The following KLHL1 variants were observed in gnomAD, a reference collection of about 807,000 sequenced individuals.
The protein encoded by KLHL1 is kelch-like protein 1.
Under a neutral mutation model 77.7 loss-of-function variants are expected in KLHL1, and 47 were observed. That is an observed-to-expected ratio of 0.60 (90% confidence interval 0.48 to 0.77). The LOEUF (loss-of-function observed/expected upper bound fraction) is 0.77, where lower values mean the gene tolerates loss of function less well. Among genes scored for constraint, KLHL1 ranks in the 30% least tolerant of loss-of-function variants. The pLI, the probability that KLHL1 is intolerant of heterozygous loss-of-function variation, is 0.00. For missense variants in KLHL1, 925 were observed against 910.8 expected (o/e 1.02, Z -0.20); for synonymous variants, 360 against 325.2 (o/e 1.11, Z -1.15).
intron 2 of KLHL1, among the ~76,000 whole-genome samples, chr13:69,965,818 T>C (rs924787496): frequency 3.3e-5 from 5 of 152,136 alleles, no homozygotes; most frequent in African/African-American, 9.7e-5. Flanking sequence ...GGGCAGAAGA[T>C]GAAACCTGCC....
In KLHL1 at chr13:70,019,944, A is replaced by G. The variant is rs150864774; in HGVS notation, c.498-44142T>C. Among the ~76,000 whole-genome samples, 611 of 152,228 alleles carry G rather than the reference A, an allele frequency of 4.0e-3. 7 individuals carry two copies. The highest frequency in any genetic ancestry group is 0.01 in the Middle Eastern group (3 of 294). On this transcript the variant is annotated intron_variant, in intron 1 of 10. Coordinates refer to ENST00000377844, the MANE Select transcript of KLHL1 (RefSeq NM_020866.3). ...TCATAAAAAGGACTTTCAGGAGTGA[A>G]TTAACTCTCTTCTGCTATTCTGCCT...
Position 69,838,168 on chromosome 13 carries a change from T to A in KLHL1, c.1414+808A>T, listed in dbSNP as rs180743109. On this transcript the variant is annotated intron_variant, in intron 6 of 10. Transcript: ENST00000377844. The stretch of plus-strand genomic sequence containing the variant: ...GTTCACAGTGATTGAAATAAGTTTT[T>A]TTTTTGTTCTGATTTATCTTAATAA... 9.2e-4 allele frequency among the ~76,000 whole-genome samples: 140 copies of A among 151,858 alleles called. 1 individual carries two copies. The highest frequency in any genetic ancestry group is 3.1e-3 in the African/African-American group (129 of 41,534).
At chr13:69,956,588 T>C (rs1440677886) in intron 3 of KLHL1, among the ~76,000 whole-genome samples, 1 of 151,444 alleles carries the variant, frequency 6.6e-6, no homozygotes, top group Non-Finnish European at 1.5e-5. Flanking sequence ...TGATACCCTA[T>C]AAAAGTACAC....
At chr13:69,736,679 GATATATATATGTAT>G (rs1397604014) in intron 8 of KLHL1, among the ~76,000 whole-genome samples, 11 of 146,234 alleles carry the variant, frequency 7.5e-5, no homozygotes, top group Non-Finnish European at 1.5e-4. Context: ...GAGATTGTGA[GATATATATATGTAT>G]ATATATATAC....
At chr13:69,952,166 T>A (rs2137256122) in intron 3 of KLHL1, among the ~76,000 whole-genome samples, 1 of 151,510 alleles carries the variant, frequency 6.6e-6, no homozygotes, top group Admixed American at 6.6e-5. Flanking sequence ...AAATGTCCTA[T>A]TACATCGTTT....
chr13:69,859,789 A>C (rs1190815327), intron 5 of KLHL1, among the ~76,000 whole-genome samples: 1 of 152,140 alleles, frequency 6.6e-6, no homozygotes, highest in Non-Finnish European at 1.5e-5. Context: ...AAATATGACC[A>C]ATAAAACATT....
intron 4 of KLHL1, among the ~76,000 whole-genome samples, chr13:69,936,135 A>C (rs142636003): frequency 1.3e-5 from 2 of 152,232 alleles, no homozygotes; most frequent in African/African-American, 4.8e-5. Flanking sequence ...GAGATTATTC[A>C]GAATTTGATA....
At chr13:70,018,385 T>C (rs1259868719) in intron 1 of KLHL1, among the ~76,000 whole-genome samples, 2 of 152,218 alleles carry the variant, frequency 1.3e-5, no homozygotes, top group East Asian at 1.9e-4. Flanking sequence ...TGAATCTCCA[T>C]ACCACCCTTG....
intron 8 of KLHL1, among the ~76,000 whole-genome samples, chr13:69,736,103 G>A (rs555946260): frequency 2.5e-4 from 38 of 152,124 alleles, no homozygotes; most frequent in Admixed American, 2.0e-3. Context: ...AACAGACAAC[G>A]CACAGAGCGG....
At chr13:70,085,039 A>G (rs1673201824) in intron 1 of KLHL1, among the ~76,000 whole-genome samples, 1 of 152,184 alleles carries the variant, frequency 6.6e-6, no homozygotes, top group Non-Finnish European at 1.5e-5. Flanking sequence ...AATATGGTAA[A>G]TGAAGATGCT....
intron 1 of KLHL1, among the ~76,000 whole-genome samples, chr13:70,006,873 TATAA>T (rs1354565907): frequency 2.0e-5 from 3 of 152,216 alleles, no homozygotes; most frequent in African/African-American, 4.8e-5. Flanking sequence ...ATTAGAAAAC[TATAA>T]ATAATCATAC....
At chr13:69,988,042 G>T (rs879652289) in intron 1 of KLHL1, among the ~76,000 whole-genome samples, 30 of 151,826 alleles carry the variant, frequency 2.0e-4, no homozygotes, top group Admixed American at 5.3e-4. Context: ...TTGTGTACAG[G>T]TTATTTTGTC....
Position 69,959,142 on chromosome 13 carries a change from G to A in KLHL1, c.817+2166C>T, listed in dbSNP as rs112079106. ...TGAGAGGCATTTTTGTATCCTGTCC[G>A]CCCTCTACAAGCAGAGCCAAATCTG... On this transcript the variant is annotated intron_variant, in intron 3 of 10. Transcript: ENST00000377844. Among the ~76,000 whole-genome samples the A allele has an allele frequency of 6.3e-3, 953 of 152,074 alleles. 5 individuals carry two copies. The highest frequency in any genetic ancestry group is 0.011 in the Non-Finnish European group (760 of 67,966).
intron 4 of KLHL1, among the ~76,000 whole-genome samples, chr13:69,921,242 A>G (rs1882622643): frequency 6.6e-6 from 1 of 152,136 alleles, no homozygotes; most frequent in South Asian, 2.1e-4. Context: ...AGGTCAAGTC[A>G]CTCCTATTGT....
At chr13:69,988,565 A>G (rs1396441684) in intron 1 of KLHL1, among the ~76,000 whole-genome samples, 1 of 152,110 alleles carries the variant, frequency 6.6e-6, no homozygotes, top group East Asian at 1.9e-4. Context: ...GAAGTAATTT[A>G]CACTCTCCAC....
At position 69,744,936 on chromosome 13, in the gene KLHL1, A is replaced by T. The variant is rs145188294; in HGVS notation, c.1640-4380T>A. On this transcript the variant is annotated intron_variant, in intron 7 of 10. Transcript: ENST00000377844. ...TTTTAAGAATAAAGCTGCAATGTACACTTTCTTGATGTACATATGAGTTCA... is the reference window on the plus strand; with the variant it reads ...TTTTAAGAATAAAGCTGCAATGTACTCTTTCTTGATGTACATATGAGTTCA... Among the ~76,000 whole-genome samples, 27 of 152,172 alleles carry T rather than the reference A, an allele frequency of 1.8e-4. No individual in the cohort carries two copies. In the East Asian group the frequency reaches 5.2e-3, roughly 29 times the overall value.
intron 4 of KLHL1, among the ~76,000 whole-genome samples, chr13:69,935,858 A>G (rs577193030): frequency 3.3e-5 from 5 of 152,330 alleles, no homozygotes; most frequent in African/African-American, 1.2e-4. Flanking sequence ...GAAACAGGGA[A>G]TTGATGAATG....
At chr13:70,091,260 CT>C (rs1169576973) in intron 1 of KLHL1, among the ~76,000 whole-genome samples, 4 of 152,050 alleles carry the variant, frequency 2.6e-5, no homozygotes, top group African/African-American at 9.7e-5. Context: ...TCAATGTCTT[CT>C]TTCTCTATCT....
chr13:69,747,514 G>T (rs9599506), intron 7 of KLHL1, among the ~76,000 whole-genome samples: 1 of 151,956 alleles, frequency 6.6e-6, no homozygotes, highest in East Asian at 1.9e-4. Context: ...CGGATTCATT[G>T]CAGTCACTCA....
Sources: allele counts gnomAD v4.1 joint callset (sites outside exome capture counted in the v4.1 genomes callset), GRCh38; gene constraint gnomAD v4.1.1; transcripts MANE v1.5; gene names NCBI Gene and HGNC (gene_info 2026-07-23, HGNC 2026-07-21).